Variants in PBDC1 observed in about 807,000 individuals in gnomAD.
PBDC1 encodes the protein polysaccharide biosynthesis domain containing 1.
PBDC1 carries 3 observed loss-of-function variants against 12.0 expected under a neutral mutation model. The ratio of observed to expected loss-of-function variants is 0.25; its 90% CI spans 0.11 to 0.64. The LOEUF is 0.64. Ranked by LOEUF, PBDC1 falls within the 30% of genes least tolerant of loss-of-function variation. The pLI is 0.84. For synonymous variants in PBDC1, 64 were observed against 56.4 expected (o/e 1.13, Z -0.60); for missense variants, 162 against 168.1 (o/e 0.96, Z 0.20).
At chrX:76,176,385 G>A (rs1924793188) in intron 4 of PBDC1, among the ~76,000 whole-genome samples, 2 of 111,142 alleles carry the variant, frequency 1.8e-5, no homozygotes, top group African/African-American at 6.6e-5. Context: ...AAACTCCTGA[G>A]CTCAAGCGAT....
At chrX:76,175,388 A>G (rs1924766317) in intron 3 of PBDC1, 85 bp from the exon 4 acceptor site, 8 of 940,121 alleles carry the variant, frequency 8.5e-6, no homozygotes, top group Non-Finnish European at 1.2e-5. Flanking sequence ...CCTGAGAACC[A>G]TAAAGGTTTT....
intron 5 of PBDC1, 107 bp from the exon 6 acceptor site, chrX:76,177,509 C>T (rs1292150740): frequency 2.9e-6 from 2 of 689,076 alleles, no homozygotes; most frequent in Admixed American, 3.5e-5. Context: ...TGTGATTGTG[C>T]CACTGCAGTC....
At chrX:76,173,440 C>A in intron 1 of PBDC1, 145 bp from the exon 2 acceptor site, 1 of 457,095 alleles carries the variant, frequency 2.2e-6, no homozygotes, top group Non-Finnish European at 3.7e-6. Flanking sequence ...CCAGGCTGGT[C>A]TCAAACTCCT....
rs781917400 is a variant in PBDC1 at position 76,177,876 on chromosome X, G to C, written c.670G>C (p.Glu224Gln). The C allele has an allele frequency of 8.3e-7, 1 of 1,211,271 alleles. No homozygotes were observed. The highest frequency in any genetic ancestry group is 3.0e-5 in the East Asian group (1 of 33,810). Reference protein sequence around the residue: ...GGEKGKEADKEINKSGEKAM With the variant: ...GGEKGKEADKQINKSGEKAM ...AGAAAAAGGGAAAGAAGCTGACAAA[G>C]AAATCAACAAAAGTGGTGAAAAAGC... The change falls in exon 6 of 6, where the codon GAA (glutamate) becomes CAA (glutamine). Residue 224 changes from glutamate (E) to glutamine (Q), a missense_variant. Physicochemically the swap from Glu to Gln is conservative, Grantham distance 29. Coordinates refer to ENST00000373358, the MANE Select transcript of PBDC1 (RefSeq NM_016500.5).
Position 76,177,790 on chromosome X carries a change from C to CTGATAG in PBDC1, c.587_592dup (p.Asp196_Ser197dup). 8.3e-7 allele frequency: 1 copy of CTGATAG among 1,200,295 alleles called. No homozygotes were observed. Among genetic ancestry groups the CTGATAG allele is most frequent in the Non-Finnish European group, 1.1e-6 (1 of 890,403 alleles). On this transcript the variant is annotated inframe_insertion, in exon 6 of 6. Transcript: ENST00000373358. ...ACCAAGAATGGAGGAGAGAAAGGAG[C>CTGATAG]TGATAGTGGAGAAGAAAAAGAGGAA...
intron 1 of PBDC1, among the ~76,000 whole-genome samples, 177 bp downstream of exon 1, chrX:76,173,345 C>T (rs782265262): frequency 1.8e-5 from 2 of 111,172 alleles, no homozygotes; most frequent in East Asian, 5.7e-4. Flanking sequence ...CTCATCCTCC[C>T]GAGGAGCTGG....
In PBDC1 at chrX:76,173,317, C is replaced by A. The variant is rs1164059427; in HGVS notation, c.30+149C>A. ...CTTACTGCAGCCTCGACCTCCAGCGCTCAGATCTTCCGCCCACCTCATCCT... is the reference window on the plus strand; with the variant it reads ...CTTACTGCAGCCTCGACCTCCAGCGATCAGATCTTCCGCCCACCTCATCCT... On this transcript the variant is annotated intron_variant, in intron 1 of 5. Coordinates refer to ENST00000373358, the MANE Select transcript of PBDC1 (RefSeq NM_016500.5). The A allele has an allele frequency of 9.4e-6, 5 of 533,640 alleles. No homozygotes were observed. In the African/African-American group the frequency reaches 1.2e-4, roughly 13 times the overall value. 44.0% of individuals were successfully genotyped at this position (533,640 alleles called of 1,213,427 possible).
In PBDC1 at chrX:76,173,619, T is replaced by G. The variant is rs200185307; in HGVS notation, c.65T>G (p.Leu22Arg). ...GAGTTGGTGTCTGTGGCACATGCGCTTTCTCTCCCAGCAGAGTCGTATGGC... is the reference window on the plus strand; with the variant it reads ...GAGTTGGTGTCTGTGGCACATGCGCGTTCTCTCCCAGCAGAGTCGTATGGC... ...SGELVSVAHALSLPAESYGND... is the reference protein window; with the variant it reads ...SGELVSVAHARSLPAESYGND... Residue 22 changes from leucine (L) to arginine (R), a missense_variant, in exon 2 of 6, where the codon CTT becomes CGT. Transcript: ENST00000373358. 261 of 1,195,397 alleles carry G rather than the reference T, an allele frequency of 2.2e-4. No homozygotes were observed. The highest frequency in any genetic ancestry group is 9.3e-4 in the Middle Eastern group (4 of 4,281).
Position 76,177,630 on chromosome X carries a change from T to G in PBDC1, c.424T>G (p.Phe142Val). Residue 142 changes from phenylalanine to valine, a missense_variant, in exon 6 of 6, where the codon TTC becomes GTC. Physicochemically the swap from Phe to Val is conservative, Grantham distance 50. Coordinates refer to ENST00000373358, the MANE Select transcript of PBDC1 (RefSeq NM_016500.5). ...TCACTTTTCAGCCCCCAGGATACAA[T>G]TCTTTGCCATTGAAATTGCTCGGAA... ...ENTIFAPRIQ[F>V]FAIEIARNRE... is the part of the protein sequence containing the mutation. 8.5e-7 allele frequency: 1 copy of G among 1,181,041 alleles called. No homozygotes were observed. The highest frequency in any genetic ancestry group is 1.9e-5 in the South Asian group (1 of 51,677).
At chrX:76,173,799 G>A in intron 2 of PBDC1, 149 bp downstream of exon 2, 1 of 326,662 alleles carries the variant, frequency 3.1e-6, no homozygotes. Context: ...CGTTCAGTTC[G>A]TTTTAATCTT....
At position 76,177,715 on chromosome X, in the gene PBDC1, G is replaced by A. The variant is rs1556797103; in HGVS notation, c.509G>A (p.Gly170Glu). The A allele has an allele frequency of 3.3e-6, 4 of 1,209,085 alleles. No homozygotes were observed. Among genetic ancestry groups the A allele is most frequent in the Non-Finnish European group, 4.5e-6 (4 of 894,509 alleles). ...GTTCAGGACAAAGAAGGAGAGAAAG[G>A]AGTCAACAATGGAGGAGAAAAAAGA... ...ISVQDKEGEK[G>E]VNNGGEKRAD... Residue 170 changes from glycine to glutamate, a missense_variant, in exon 6 of 6, where the codon GGA (glycine) becomes GAA (glutamate). Around this residue, in one of 3 missense-constraint regions of PBDC1, gnomAD observed 100 missense variants for 96.2 expected, o/e 1.04. Coordinates refer to ENST00000373358, the MANE Select transcript of PBDC1 (RefSeq NM_016500.5).
At chrX:76,173,457 A>G (rs1924708841) in intron 1 of PBDC1, 128 bp from the exon 2 acceptor site, 1 of 482,115 alleles carries the variant, frequency 2.1e-6, no homozygotes, top group Non-Finnish European at 3.4e-6. Flanking sequence ...TCCTGGGCTC[A>G]GGCGATCCGC....
At chrX:76,173,679 C>T in intron 2 of PBDC1, 29 bp downstream of exon 2, 1 of 1,069,902 alleles carries the variant, frequency 9.3e-7, no homozygotes. Context: ...CAGCTCCCAC[C>T]CACTCAGCTA....
chrX:76,176,208 C>T (rs782747601), intron 4 of PBDC1, among the ~76,000 whole-genome samples: 6 of 106,283 alleles, frequency 5.6e-5, no homozygotes, highest in East Asian at 2.9e-4. Flanking sequence ...GGCTGGAGTG[C>T]GGTGGTGCCA....
intron 2 of PBDC1, among the ~76,000 whole-genome samples, chrX:76,173,902 C>T (rs782655502): frequency 2.4e-3 from 266 of 112,105 alleles, no homozygotes; most frequent in Middle Eastern, 0.014. Flanking sequence ...ATCCCGCTGC[C>T]TAGATTGCAG....
intron 4 of PBDC1, among the ~76,000 whole-genome samples, chrX:76,176,476 C>A (rs940263309): frequency 5.4e-5 from 6 of 111,824 alleles, no homozygotes; most frequent in African/African-American, 2.0e-4. Context: ...CTTTTAACTC[C>A]TAGCAGGCAG....
Position 76,177,660 on chromosome X carries a change from G to A in PBDC1, c.454G>A (p.Glu152Lys). ...FFAIEIARNR[E>K]GYNKAVYISV... ...TGCCATTGAAATTGCTCGGAACCGG[G>A]AAGGCTATAACAAAGCTGTTTATAT... The change falls in exon 6 of 6, where the codon GAA becomes AAA. Residue 152 changes from glutamate to lysine, a missense_variant. Glu to Lys is a moderately conservative substitution (Grantham distance 56). Around this residue, in one of 3 missense-constraint regions of PBDC1, gnomAD observed 100 missense variants for 96.2 expected, o/e 1.04. Transcript: ENST00000373358. The A allele has an allele frequency of 8.4e-7, 1 of 1,188,943 alleles. No homozygotes were observed. Among genetic ancestry groups the A allele is most frequent in the Admixed American group, 2.6e-5 (1 of 38,412 alleles).
Position 76,178,085 on chromosome X carries a change from A to G in PBDC1, c.*177A>G. On this transcript the variant is annotated 3_prime_UTR_variant, in exon 6 of 6. Transcript: ENST00000373358. ...CTGCTCTGGTCATTCCCTTGTATGAACTGGTCTAAAGACTGTTAGTGGGGT... is the reference window on the plus strand; with the variant it reads ...CTGCTCTGGTCATTCCCTTGTATGAGCTGGTCTAAAGACTGTTAGTGGGGT... The G allele has an allele frequency of 1.4e-5, 12 of 866,431 alleles. No individual in the cohort carries two copies. The allele number at this position is 866,431 out of a possible 1,213,427, so 71.4% of individuals were successfully genotyped here. A position where few individuals can be genotyped will look rare whatever the true frequency, so the allele number is the denominator to read the frequency against.
In PBDC1 at chrX:76,173,129, G is replaced by C; in HGVS notation, c.-10G>C. 8.5e-7 allele frequency: 1 copy of C among 1,176,505 alleles called. No individual in the cohort carries two copies. Among genetic ancestry groups the C allele is most frequent in the Non-Finnish European group, 1.1e-6 (1 of 877,053 alleles). ...GCTGCGGAAGGAGCCACGCTTTCGG[G>C]GGTTGCAAGATGGCGGCCACCAGTG... On this transcript the variant is annotated 5_prime_UTR_variant, in exon 1 of 6. Transcript: ENST00000373358.
Sources: gnomAD v4.1 joint callset for allele counts (sites outside exome capture counted in the v4.1 genomes callset) on GRCh38, gnomAD v4.1.1 for gene constraint, gnomAD v4.1.1 regional missense constraint, MANE v1.5 for transcripts, NCBI Gene and HGNC (gene_info 2026-07-23, HGNC 2026-07-21) for gene names.